The following FBP1 variants were observed in gnomAD, a reference collection of about 807,000 sequenced individuals.
FBP1 encodes the protein fructose-1,6-bisphosphatase 1.
A neutral mutation model predicts 29.9 loss-of-function variants in FBP1; 22 were observed. The observed-to-expected ratio is 0.74, with a 90% CI of 0.53 to 1.05. The LOEUF (loss-of-function observed/expected upper bound fraction) is 1.05. FBP1 is among the 50% of genes least tolerant of loss of function. The pLI is 0.00. For synonymous variants in FBP1, 175 were observed against 178.6 expected, an observed-to-expected ratio of 0.98 and a Z score of 0.16; for missense variants, 345 against 448.2, an observed-to-expected ratio of 0.77 and a Z score of 2.08.
Position 94,639,491 on chromosome 9 carries a change from C to T in FBP1, c.-181G>A. 1.4e-6 allele frequency: 1 copy of T among 705,638 alleles called. No homozygotes were observed. The highest frequency in any genetic ancestry group is 2.4e-6 in the Non-Finnish European group (1 of 410,364). The allele number at this position is 705,638 out of a possible 1,614,324, so 43.7% of individuals were successfully genotyped here. On this transcript the variant is annotated 5_prime_UTR_variant, in exon 1 of 7. Coordinates refer to ENST00000375326, the MANE Select transcript of FBP1 (RefSeq NM_000507.4). ...CAGACCGACTGCCGCCCCGAGTGTC[C>T]GCAGCGCTCGTGGTGCAACTGGGCC... is the stretch of plus-strand genomic sequence containing the variant.
intron 1 of FBP1, among the ~76,000 whole-genome samples, chr9:94,636,649 G>T (rs1828194726): frequency 3.9e-5 from 6 of 151,900 alleles, no homozygotes; most frequent in Admixed American, 3.9e-4. Context: ...GGGTGTGAAA[G>T]GTACTGACAC....
At position 94,627,311 on chromosome 9, in the gene FBP1, C is replaced by T. The variant is rs146371802; in HGVS notation, c.171-6820G>A. On this transcript the variant is annotated intron_variant, in intron 1 of 6. Coordinates refer to ENST00000375326, the MANE Select transcript of FBP1 (RefSeq NM_000507.4). ...CGGAGGTTGCAGTGAGCCGAGATCACACCACTGCACTCCAGCCTGGGCAAA... is the reference window on the plus strand; with the variant it reads ...CGGAGGTTGCAGTGAGCCGAGATCATACCACTGCACTCCAGCCTGGGCAAA... 3.2e-4 allele frequency among the ~76,000 whole-genome samples: 48 copies of T among 152,220 alleles called. No individual in the cohort carries two copies. In the East Asian group the frequency reaches 9.3e-3, roughly 29 times the overall value.
chr9:94,609,125 C>T (rs1827743471), intron 4 of FBP1, among the ~76,000 whole-genome samples: 1 of 150,944 alleles, frequency 6.6e-6, no homozygotes, highest in South Asian at 2.1e-4. Context: ...GGAGGCAGAA[C>T]TTGCAGTGAG....
chr9:94,629,550 C>T (rs1364162557), intron 1 of FBP1, among the ~76,000 whole-genome samples: 2 of 152,100 alleles, frequency 1.3e-5, no homozygotes, highest in Non-Finnish European at 2.9e-5. Flanking sequence ...GCTGAAGGCA[C>T]CAGCCTCCAG....
chr9:94,614,384 C>CA (rs569079277), intron 3 of FBP1, among the ~76,000 whole-genome samples: 16 of 148,222 alleles, frequency 1.1e-4, no homozygotes, highest in African/African-American at 3.2e-4. Context: ...ACTAAAAATA[C>CA]AAAAAATTAG....
chr9:94,626,058 C>G (rs556073993), intron 1 of FBP1, among the ~76,000 whole-genome samples: 1 of 152,214 alleles, frequency 6.6e-6, no homozygotes, highest in Admixed American at 6.5e-5. Context: ...ATGCGTTAAG[C>G]TGGTTCCTGC....
chr9:94,618,472 A>T (rs1827896234), intron 2 of FBP1, among the ~76,000 whole-genome samples: 1 of 149,868 alleles, frequency 6.7e-6, no homozygotes. Context: ...AAAAAAAAAA[A>T]AAAAAAAAAA....
intron 1 of FBP1, among the ~76,000 whole-genome samples, chr9:94,634,755 T>C (rs1034340736): frequency 6.6e-6 from 1 of 152,114 alleles, no homozygotes; most frequent in Non-Finnish European, 1.5e-5. Context: ...TGAATTCACA[T>C]CAAAAATGTC....
chr9:94,612,157 A>C (rs1457224633), intron 3 of FBP1, among the ~76,000 whole-genome samples: 1 of 152,184 alleles, frequency 6.6e-6, no homozygotes, highest in African/African-American at 2.4e-5. Context: ...AAATGAAATT[A>C]ATGGCCTTTG....
chr9:94,610,133 C>G, intron 3 of FBP1, 72 bp from the exon 4 acceptor site: 1 of 1,492,248 alleles, frequency 6.7e-7, no homozygotes. Context: ...CAACCATTAA[C>G]AGGAGGCATT....
At position 94,620,492 on chromosome 9, in the gene FBP1, C is replaced by G; in HGVS notation, c.171-1G>C. ...GTTGGTAGAACCAGCAATGCCATAG[C>G]TACAGGGAACAAAAGCCACAAAAAA... On this transcript the variant is annotated splice_acceptor_variant, in intron 1 of 6. Transcript: ENST00000375326. LOFTEE classifies it high-confidence loss of function. The G allele has an allele frequency of 1.2e-6, 2 of 1,613,900 alleles. No individual in the cohort carries two copies. Among genetic ancestry groups the G allele is most frequent in the South Asian group, 2.2e-5 (2 of 91,030 alleles).
At chr9:94,636,667 A>T (rs559657566) in intron 1 of FBP1, among the ~76,000 whole-genome samples, 1 of 151,992 alleles carries the variant, frequency 6.6e-6, no homozygotes, top group South Asian at 2.1e-4. Flanking sequence ...CACATTTTTT[A>T]AACAATATCA....
chr9:94,632,164 T>C (rs1828113485), intron 1 of FBP1, among the ~76,000 whole-genome samples: 1 of 152,162 alleles, frequency 6.6e-6, no homozygotes, highest in Admixed American at 6.5e-5. Context: ...TATTATTTCT[T>C]CTGTCAAACA....
intron 4 of FBP1, among the ~76,000 whole-genome samples, chr9:94,609,537 C>T (rs1827751758): frequency 6.6e-6 from 1 of 152,186 alleles, no homozygotes; most frequent in African/African-American, 2.4e-5. Flanking sequence ...CCCCTCCTCC[C>T]AATTGTAATT....
intron 1 of FBP1, among the ~76,000 whole-genome samples, chr9:94,622,772 C>T (rs776455681): frequency 2.6e-5 from 4 of 152,138 alleles, no homozygotes; most frequent in Non-Finnish European, 4.4e-5. Flanking sequence ...CCTGGGCTTT[C>T]GATCCTATTT....
intron 2 of FBP1, 147 bp from the exon 3 acceptor site, chr9:94,618,007 A>G: frequency 1.5e-6 from 1 of 682,876 alleles, no homozygotes; most frequent in Non-Finnish European, 2.6e-6. Context: ...AAGGCATGAG[A>G]TGGCATACAG....
At chr9:94,639,529 G>A (rs1057515693), upstream of FBP1, 24 of 617,362 alleles carry the variant, frequency 3.9e-5, no homozygotes, top group Non-Finnish European at 6.0e-5. Flanking sequence ...GCCAGGCGCC[G>A]GCGGGTGAAT....
intron 1 of FBP1, among the ~76,000 whole-genome samples, chr9:94,624,337 CA>C (rs10717568): frequency 0.39 from 34,893 of 90,124 alleles, 5,275 homozygotes; most frequent in East Asian, 0.57. Context: ...GACTCCATCT[CA>C]AAAAAAAAAA....
At chr9:94,623,017 C>T (rs1028456039) in intron 1 of FBP1, among the ~76,000 whole-genome samples, 4 of 151,230 alleles carry the variant, frequency 2.6e-5, no homozygotes, top group Admixed American at 6.6e-5. Context: ...GACAGTGTCA[C>T]TCTGTTGTCC....
Sources: allele counts gnomAD v4.1 joint callset (sites outside exome capture counted in the v4.1 genomes callset), GRCh38; gene constraint gnomAD v4.1.1; transcripts MANE v1.5; gene names NCBI Gene and HGNC (gene_info 2026-07-23, HGNC 2026-07-21).